The following ACAP2 variants were observed in gnomAD, a reference collection of about 807,000 sequenced individuals.
ACAP2 encodes ArfGAP with coiled-coil, ankyrin repeat and PH domains 2.
ACAP2 carries 39 observed loss-of-function variants against 115.8 expected under a neutral mutation model. That is an observed-to-expected ratio of 0.34 (90% CI 0.26 to 0.44). ACAP2 has a LOEUF of 0.44. ACAP2 is among the 20% of genes least tolerant of loss of function. The probability of loss-of-function intolerance (pLI) is 1.00; values close to 1 mark genes in which losing one functional copy is unlikely to be tolerated. For missense variants in ACAP2, 662 were observed against 927.6 expected (o/e 0.71, Z 3.72); for synonymous variants, 289 against 315.8 (o/e 0.92, Z 0.90).
At chr3:195,382,078 T>C (rs974750476) in intron 2 of ACAP2, 56 bp from the exon 3 acceptor site, 126 of 1,548,416 alleles carry the variant, frequency 8.1e-5, no homozygotes, top group Non-Finnish European at 8.8e-5. Context: ...AATTACTTAG[T>C]TGAACAAGTG....
chr3:195,363,586 T>C (rs1167554857), intron 4 of ACAP2, among the ~76,000 whole-genome samples: 1 of 150,164 alleles, frequency 6.7e-6, no homozygotes, highest in African/African-American at 2.5e-5. Context: ...TTCACAAAAA[T>C]AGAAAAAAAA....
intron 1 of ACAP2, among the ~76,000 whole-genome samples, chr3:195,425,488 C>A (rs1714616654): frequency 6.6e-6 from 1 of 152,050 alleles, no homozygotes; most frequent in African/African-American, 2.4e-5. Flanking sequence ...AAATCGTGCT[C>A]AAGAACAAAG....
intron 8 of ACAP2, among the ~76,000 whole-genome samples, chr3:195,330,257 A>C (rs1279571955): frequency 6.6e-6 from 1 of 152,112 alleles, no homozygotes; most frequent in African/African-American, 2.4e-5. Context: ...CTCTACTGCC[A>C]TGACTTTAGT....
chr3:195,345,365 A>G lies in ACAP2; in HGVS notation c.286-48T>C, dbSNP rs777990139. 9.1e-6 allele frequency: 11 copies of G among 1,210,852 alleles called. No individual in the cohort carries two copies. In the East Asian group the frequency reaches 2.4e-4, roughly 27 times the overall value. 75.0% of individuals were successfully genotyped at this position (1,210,852 alleles called of 1,614,324 possible). A position where few individuals can be genotyped will look rare whatever the true frequency, so the allele number is the denominator to read the frequency against. On this transcript the variant is annotated intron_variant, in intron 4 of 22. Coordinates refer to ENST00000326793, the MANE Select transcript of ACAP2 (RefSeq NM_012287.6). ...AAGTGATTAGAAAAGTAAACAAAATAATTTTCTTATCGTGCTATAAATACC... is the reference window on the plus strand; with the variant it reads ...AAGTGATTAGAAAAGTAAACAAAATGATTTTCTTATCGTGCTATAAATACC...
intron 7 of ACAP2, among the ~76,000 whole-genome samples, chr3:195,335,307 G>A (rs1730430733): frequency 6.6e-6 from 1 of 151,988 alleles, no homozygotes; most frequent in African/African-American, 2.4e-5. Flanking sequence ...GAATATTCAG[G>A]TGGTAGAATT....
At chr3:195,432,335 C>T (rs1250225463) in intron 1 of ACAP2, among the ~76,000 whole-genome samples, 1 of 152,146 alleles carries the variant, frequency 6.6e-6, no homozygotes, top group Non-Finnish European at 1.5e-5. Flanking sequence ...TCCATGCAGG[C>T]CTGTGATCTA....
Position 195,442,926 on chromosome 3 carries a change from G to A in ACAP2, c.-79C>T, listed in dbSNP as rs1716134263. On this transcript the variant is annotated 5_prime_UTR_variant, in exon 1 of 23. Transcript: ENST00000326793. ...GCCGCGCTGGGACGCAGACGGCTAC[G>A]GCGGGCGCACGGCCGCGACTAGCGT... The A allele has an allele frequency of 7.5e-7, 1 of 1,335,296 alleles. No homozygotes were observed. The highest frequency in any genetic ancestry group is 9.9e-7 in the Non-Finnish European group (1 of 1,007,864). The allele number at this position is 1,335,296 out of a possible 1,614,324, so 82.7% of individuals were successfully genotyped here. A position where few individuals can be genotyped will look rare whatever the true frequency, so the allele number is the denominator to read the frequency against.
intron 20 of ACAP2, among the ~76,000 whole-genome samples, chr3:195,289,618 G>A (rs1727100549): frequency 6.6e-6 from 1 of 151,468 alleles, no homozygotes; most frequent in Non-Finnish European, 1.5e-5. Flanking sequence ...GGCTAACAAG[G>A]TGAAACCCCG....
At position 195,319,574 on chromosome 3, in the gene ACAP2, G is replaced by A. The variant is rs116200369; in HGVS notation, c.857+1127C>T. Among the ~76,000 whole-genome samples, 341 of 152,366 alleles carry A rather than the reference G, an allele frequency of 2.2e-3. 2 individuals carry two copies. Among genetic ancestry groups the A allele is most frequent in the African/African-American group, 8.0e-3 (332 of 41,586 alleles). On this transcript the variant is annotated intron_variant, in intron 10 of 22. Coordinates refer to ENST00000326793, the MANE Select transcript of ACAP2 (RefSeq NM_012287.6). ...GTCAAAGGAGATTTTAGAGCTTTAA[G>A]ATTTAATGACTGCCTGGCTGGGTTT... is the stretch of plus-strand genomic sequence containing the variant.
chr3:195,287,511 C>T (rs1397359945), intron 21 of ACAP2, among the ~76,000 whole-genome samples: 8 of 152,044 alleles, frequency 5.3e-5, no homozygotes, highest in East Asian at 3.9e-4. Flanking sequence ...AGAGACAGGG[C>T]CTCGCTATGT....
intron 4 of ACAP2, among the ~76,000 whole-genome samples, chr3:195,346,998 C>G (rs1209482044): frequency 3.3e-5 from 5 of 151,958 alleles, no homozygotes; most frequent in Non-Finnish European, 5.9e-5. Flanking sequence ...AACATGAGGG[C>G]TTCTGGGGAG....
intron 6 of ACAP2, among the ~76,000 whole-genome samples, chr3:195,340,965 C>G (rs1238530874): frequency 2.0e-5 from 3 of 152,076 alleles, no homozygotes; most frequent in Non-Finnish European, 2.9e-5. Context: ...ATTGTTTTGC[C>G]AAGTTACCTA....
At chr3:195,328,049 C>T (rs1250789852) in intron 8 of ACAP2, among the ~76,000 whole-genome samples, 3 of 152,000 alleles carry the variant, frequency 2.0e-5, no homozygotes, top group African/African-American at 4.8e-5. Flanking sequence ...TAACATGTCA[C>T]GAGAAATGCA....
In ACAP2 at chr3:195,345,246, G is replaced by A. The variant is rs759554541; in HGVS notation, c.344+13C>T. The A allele has an allele frequency of 6.9e-6, 11 of 1,595,072 alleles. No individual in the cohort carries two copies. Among genetic ancestry groups the A allele is most frequent in the South Asian group, 4.4e-5 (4 of 90,190 alleles). On this transcript the variant is annotated intron_variant, in intron 5 of 22. Coordinates refer to ENST00000326793, the MANE Select transcript of ACAP2 (RefSeq NM_012287.6). ...TAGTTAATTTTCTTTCCTCTTCACC[G>A]CAATTGACTTACTCTTTAACAAAGT...
chr3:195,350,069 A>G (rs1011224281), intron 4 of ACAP2: 16 of 161,722 alleles, frequency 9.9e-5, no homozygotes, highest in Non-Finnish European at 1.9e-4. Context: ...TCATACACAC[A>G]CAAATAGACA....
chr3:195,414,063 T>C (rs1011757834), intron 1 of ACAP2, among the ~76,000 whole-genome samples: 1 of 152,086 alleles, frequency 6.6e-6, no homozygotes, highest in East Asian at 1.9e-4. Flanking sequence ...GGTGAAAAGA[T>C]ACTCCACATA....
intron 1 of ACAP2, among the ~76,000 whole-genome samples, chr3:195,395,355 A>G (rs371599829): frequency 6.6e-6 from 1 of 152,336 alleles, no homozygotes; most frequent in African/African-American, 2.4e-5. Context: ...GATAGATGTT[A>G]AGAGAAAGGG....
intron 4 of ACAP2, among the ~76,000 whole-genome samples, chr3:195,372,679 T>C (rs1733235820): frequency 6.6e-6 from 1 of 152,000 alleles, no homozygotes; most frequent in African/African-American, 2.4e-5. Context: ...TAGCCAGGCA[T>C]GGTGGCACAC....
intron 15 of ACAP2, 120 bp downstream of exon 15, chr3:195,301,455 A>G: frequency 2.6e-6 from 2 of 780,948 alleles, no homozygotes; most frequent in East Asian, 2.7e-5. Flanking sequence ...ATGTGTTTCA[A>G]TACAATTTAG....
Sources: gnomAD v4.1 joint callset for allele counts (sites outside exome capture counted in the v4.1 genomes callset) on GRCh38, gnomAD v4.1.1 for gene constraint, MANE v1.5 for transcripts, NCBI Gene and HGNC (gene_info 2026-07-23, HGNC 2026-07-21) for gene names.